The following CFAP77 variants were observed in gnomAD, a reference collection of about 807,000 sequenced individuals.
The protein encoded by CFAP77 is cilia and flagella associated protein 77.
Under a neutral mutation model 31.1 loss-of-function variants are expected in CFAP77, and 25 were observed. That is an observed-to-expected ratio of 0.80 (90% CI 0.59 to 1.12). CFAP77 has a LOEUF of 1.12. CFAP77 is among the 50% of genes most tolerant of loss of function. The probability of loss-of-function intolerance (pLI) is 0.00; values close to 1 mark genes in which losing one functional copy is unlikely to be tolerated. For missense variants in CFAP77, 377 were observed against 397.3 expected (o/e 0.95, Z 0.44); for synonymous variants, 151 against 159.9 (o/e 0.94, Z 0.42).
In CFAP77 at chr9:132,480,849, C is replaced by T. The variant is rs529014614; in HGVS notation, c.196-17846C>T. Among the ~76,000 whole-genome samples the T allele has an allele frequency of 2.5e-3, 387 of 152,176 alleles. No homozygotes were observed. Among genetic ancestry groups the T allele is most frequent in the African/African-American group, 9.1e-3 (376 of 41,504 alleles). ...CCGAAAGAAGGCCCAGGGCAGAAAG[C>T]GGACGGTGAGCGAGAGGGCATAAGA... On this transcript the variant is annotated intron_variant, in intron 1 of 5. Transcript: ENST00000393216. This position sits in a 1 kb window ranked among gnomAD's most constrained non-coding sequence, Gnocchi z 5.8.
At chr9:132,551,515 C>T (rs1327658810) in intron 5 of CFAP77, among the ~76,000 whole-genome samples, 1 of 152,300 alleles carries the variant, frequency 6.6e-6, no homozygotes, top group Non-Finnish European at 1.5e-5. Context: ...AGGCTGGTCT[C>T]GAACTCCTGG....
intron 3 of CFAP77, among the ~76,000 whole-genome samples, chr9:132,504,295 C>T (rs1219074265): frequency 6.6e-6 from 1 of 152,148 alleles, no homozygotes; most frequent in Non-Finnish European, 1.5e-5. Context: ...ATCCTAGTGC[C>T]GGGGTTTTCC....
At chr9:132,509,027 G>A (rs1851985391) in intron 3 of CFAP77, among the ~76,000 whole-genome samples, 1 of 152,234 alleles carries the variant, frequency 6.6e-6, no homozygotes, top group Non-Finnish European at 1.5e-5. Flanking sequence ...GCCTGGTGCG[G>A]AGGTGAGTCC....
At chr9:132,415,733 T>C (rs1289175947) in intron 1 of CFAP77, among the ~76,000 whole-genome samples, 2 of 152,146 alleles carry the variant, frequency 1.3e-5, no homozygotes, top group Non-Finnish European at 2.9e-5. Flanking sequence ...TTGTTCCTTA[T>C]TTTGAAAGAC....
intron 4 of CFAP77, among the ~76,000 whole-genome samples, chr9:132,541,901 G>A (rs2119064093): frequency 6.6e-6 from 1 of 152,366 alleles, no homozygotes. Context: ...AGGTGACGCG[G>A]AAGGTTTACT....
At chr9:132,479,831 A>G (rs1163047905) in intron 1 of CFAP77, among the ~76,000 whole-genome samples, 3 of 152,172 alleles carry the variant, frequency 2.0e-5, no homozygotes, top group Non-Finnish European at 4.4e-5. Flanking sequence ...GAATATTCTC[A>G]TCTGACACCA....
At chr9:132,526,267 T>C (rs1485235693) in intron 3 of CFAP77, among the ~76,000 whole-genome samples, 1 of 152,108 alleles carries the variant, frequency 6.6e-6, no homozygotes, top group Admixed American at 6.6e-5. Flanking sequence ...TCTCACTCTG[T>C]TGCCCAGGCT....
At position 132,497,322 on chromosome 9, in the gene CFAP77, G is replaced by A. The variant is rs1021608694; in HGVS notation, c.196-1373G>A. Among the ~76,000 whole-genome samples the A allele has an allele frequency of 6.6e-6, 1 of 152,280 alleles. No individual in the cohort carries two copies. Among genetic ancestry groups the A allele is most frequent in the African/African-American group, 2.4e-5 (1 of 41,550 alleles). ...CCAGCCTGTGGGAGCTGGAGAGAGG[G>A]GGATATAGACGAGATGGCAGGAGAC... On this transcript the variant is annotated intron_variant, in intron 1 of 5. Coordinates refer to ENST00000393216, the MANE Select transcript of CFAP77 (RefSeq NM_001282957.2). This position sits in a 1 kb window ranked among gnomAD's most constrained non-coding sequence, Gnocchi z 4.9.
intron 1 of CFAP77, among the ~76,000 whole-genome samples, chr9:132,459,691 CAT>C (rs898983571): frequency 2.0e-5 from 3 of 147,706 alleles, no homozygotes; most frequent in Non-Finnish European, 4.5e-5. Context: ...TATATGTGTG[CAT>C]ATGTGTTTGT....
At chr9:132,558,221 AG>A (rs1476957347) in intron 5 of CFAP77, among the ~76,000 whole-genome samples, 1 of 152,260 alleles carries the variant, frequency 6.6e-6, no homozygotes, top group African/African-American at 2.4e-5. Flanking sequence ...TTTATAGAAA[AG>A]GAAATAAAAT....
intron 3 of CFAP77, among the ~76,000 whole-genome samples, chr9:132,500,628 A>C (rs530272303): frequency 5.9e-5 from 9 of 152,362 alleles, no homozygotes; most frequent in Non-Finnish European, 1.0e-4. Context: ...ATAAAGATAT[A>C]GAATAAATCT....
At chr9:132,540,433 C>T (rs902232883) in intron 4 of CFAP77, among the ~76,000 whole-genome samples, 4 of 152,006 alleles carry the variant, frequency 2.6e-5, no homozygotes, top group African/African-American at 4.8e-5. Context: ...GCATTGGGTG[C>T]GGAAAGGGGT....
At chr9:132,486,075 TATATATATATATA>T (rs1851548136) in intron 1 of CFAP77, among the ~76,000 whole-genome samples, 2 of 18,852 alleles carry the variant, frequency 1.1e-4, no homozygotes, top group Middle Eastern at 0.016. Flanking sequence ...TGTATATATA[TATATATATATATA>T]TATTTTTTTT....
In CFAP77 at chr9:132,493,124, C is replaced by T. The variant is rs568072025; in HGVS notation, c.196-5571C>T. Among the ~76,000 whole-genome samples the T allele has an allele frequency of 1.1e-4, 16 of 152,294 alleles. No homozygotes were observed. The East Asian group carries it at 2.3e-3, about 22-fold the overall frequency. On this transcript the variant is annotated intron_variant, in intron 1 of 5. Transcript: ENST00000393216. Reference sequence around the variant, plus strand: ...TGGGGTTTCCTACCCATGACCCTCTCTGACACTGTGATGTAGTGTAGCCTG... The same window carrying T: ...TGGGGTTTCCTACCCATGACCCTCTTTGACACTGTGATGTAGTGTAGCCTG...
chr9:132,566,828 C>T (rs1589929839), intron 5 of CFAP77, among the ~76,000 whole-genome samples: 1 of 152,294 alleles, frequency 6.6e-6, no homozygotes, highest in East Asian at 1.9e-4. Context: ...CTTCCCACCT[C>T]CCTCATCACA....
chr9:132,478,126 A>T (rs932835353), intron 1 of CFAP77, among the ~76,000 whole-genome samples: 1 of 151,950 alleles, frequency 6.6e-6, no homozygotes, highest in Non-Finnish European at 1.5e-5. Context: ...CATGTTGAAG[A>T]TGGGGCCTGG....
In CFAP77 at chr9:132,563,235, G is replaced by A. The variant is rs117427453; in HGVS notation, c.733-9153G>A. ...TTGCTATGTTGTCCAGGCTGCTCTC[G>A]AACTTCGAGTTTAAGCGATTCTCCT... On this transcript the variant is annotated intron_variant, in intron 5 of 5. Transcript: ENST00000393216. 5.3e-4 allele frequency among the ~76,000 whole-genome samples: 80 copies of A among 151,480 alleles called. 1 individual carries two copies. The East Asian group carries it at 0.013, about 24-fold the overall frequency.
intron 3 of CFAP77, among the ~76,000 whole-genome samples, chr9:132,531,063 T>C (rs549183929): frequency 2.0e-5 from 3 of 152,358 alleles, no homozygotes; most frequent in East Asian, 3.9e-4. Flanking sequence ...CTCCATTGAA[T>C]TGCAATCTCC....
At chr9:132,569,234 C>T (rs575971699) in intron 5 of CFAP77, among the ~76,000 whole-genome samples, 3 of 152,128 alleles carry the variant, frequency 2.0e-5, no homozygotes, top group East Asian at 1.9e-4. Context: ...GACCCTCCCC[C>T]CATCTCTACA....
Sources: gnomAD v4.1 joint callset for allele counts (sites outside exome capture counted in the v4.1 genomes callset) on GRCh38, gnomAD v4.1.1 for gene constraint, Gnocchi (gnomAD v3.1) non-coding constraint, MANE v1.5 for transcripts, NCBI Gene and HGNC (gene_info 2026-07-23, HGNC 2026-07-21) for gene names.